SUPT3H: variants seen among roughly 807,000 people sequenced by gnomAD.
SUPT3H encodes the protein transcription initiation protein SPT3 homolog.
A neutral mutation model predicts 44.3 loss-of-function variants in SUPT3H; 44 were observed. The ratio of observed to expected loss-of-function variants is 0.99; its 90% CI spans 0.78 to 1.28. SUPT3H has a LOEUF of 1.28. Ranked by LOEUF, SUPT3H falls within the 50% of genes most tolerant of loss-of-function variation. The pLI is 0.00. For synonymous variants in SUPT3H, 124 were observed against 125.6 expected, an observed-to-expected ratio of 0.99 and a Z score of 0.09; for missense variants, 380 against 387.1, an observed-to-expected ratio of 0.98 and a Z score of 0.15.
At chr6:45,259,069 T>C (rs1773896735) in intron 2 of SUPT3H, among the ~76,000 whole-genome samples, 1 of 152,176 alleles carries the variant, frequency 6.6e-6, no homozygotes, top group African/African-American at 2.4e-5. Flanking sequence ...ACAAATTTTT[T>C]CGGTACTTTT....
rs553540921 is a variant in SUPT3H at position 44,827,510 on chromosome 6, T to C, written c.*2306A>G. ...ACTTTCCCTCTCTAGGCCATGGTTT[T>C]TTCATTTGCAAGATGAGCAGCTGTT... On this transcript the variant is annotated 3_prime_UTR_variant, in exon 11 of 11. Transcript: ENST00000371459. Among the ~76,000 whole-genome samples, 39 of 152,248 alleles carry C rather than the reference T, an allele frequency of 2.6e-4. No homozygotes were observed. The highest frequency in any genetic ancestry group is 5.3e-4 in the Non-Finnish European group (36 of 67,964).
chr6:45,009,116 T>C (rs1583027616), intron 5 of SUPT3H, among the ~76,000 whole-genome samples: 1 of 152,130 alleles, frequency 6.6e-6, no homozygotes, highest in African/African-American at 2.4e-5. Flanking sequence ...CATTTTTAAA[T>C]TGGGCCACTG....
chr6:45,105,053 A>G (rs1451602115), intron 3 of SUPT3H, among the ~76,000 whole-genome samples: 1 of 152,008 alleles, frequency 6.6e-6, no homozygotes, highest in African/African-American at 2.4e-5. Flanking sequence ...CCATACTAGG[A>G]TATACATATA....
chr6:44,989,762 C>T (rs182268600), intron 6 of SUPT3H, among the ~76,000 whole-genome samples: 2 of 152,130 alleles, frequency 1.3e-5, no homozygotes, highest in East Asian at 3.9e-4. Flanking sequence ...TACTGTTAAG[C>T]ATCTTTTCAT....
intron 5 of SUPT3H, among the ~76,000 whole-genome samples, chr6:45,012,065 T>C (rs1783564008): frequency 6.6e-6 from 1 of 151,836 alleles, no homozygotes; most frequent in Admixed American, 6.6e-5. Flanking sequence ...CTGTATATGC[T>C]TTTTTCTTGT....
intron 2 of SUPT3H, among the ~76,000 whole-genome samples, chr6:45,317,482 G>A (rs1001750712): frequency 6.6e-6 from 1 of 151,880 alleles, no homozygotes; most frequent in African/African-American, 2.4e-5. Context: ...GCATGGTACG[G>A]GCATAAAAGC....
chr6:44,928,622 G>C (rs1009565737), intron 10 of SUPT3H, among the ~76,000 whole-genome samples: 10 of 151,954 alleles, frequency 6.6e-5, no homozygotes, highest in African/African-American at 2.4e-4. Flanking sequence ...AGGGCCGGGC[G>C]CGGTGGCTCA....
chr6:45,326,192 GGTTT>G (rs1786310337), intron 2 of SUPT3H, among the ~76,000 whole-genome samples: 1 of 151,732 alleles, frequency 6.6e-6, no homozygotes, highest in Non-Finnish European at 1.5e-5. Context: ...CAAAATGTTG[GGTTT>G]GTAAGATGTT....
intron 10 of SUPT3H, among the ~76,000 whole-genome samples, chr6:44,887,197 T>C (rs1423204831): frequency 6.6e-6 from 1 of 152,078 alleles, no homozygotes; most frequent in Non-Finnish European, 1.5e-5. Flanking sequence ...CTGTCAACAT[T>C]AGACACATCA....
chr6:44,906,318 T>A (rs111682353), intron 10 of SUPT3H, among the ~76,000 whole-genome samples: 1 of 152,248 alleles, frequency 6.6e-6, no homozygotes, highest in African/African-American at 2.4e-5. Context: ...TATGAGTAAT[T>A]TTTCACCTCC....
At chr6:45,229,727 T>C (rs924743224) in intron 2 of SUPT3H, among the ~76,000 whole-genome samples, 9 of 152,150 alleles carry the variant, frequency 5.9e-5, no homozygotes, top group African/African-American at 2.2e-4. Flanking sequence ...ATTTATATAT[T>C]TTGGGGATGT....
chr6:45,360,120 A>G (rs1026416325), intron 2 of SUPT3H, among the ~76,000 whole-genome samples: 2 of 152,260 alleles, frequency 1.3e-5, no homozygotes, highest in Non-Finnish European at 2.9e-5. Flanking sequence ...TTAGTTTAGC[A>G]TAAGTGCAAC....
chr6:44,901,818 T>C (rs1167092350), intron 10 of SUPT3H, among the ~76,000 whole-genome samples: 1 of 151,892 alleles, frequency 6.6e-6, no homozygotes, highest in African/African-American at 2.4e-5. Context: ...GACTAACAGC[T>C]GATCTCTCAC....
At chr6:45,158,073 A>C (rs1808153190) in intron 2 of SUPT3H, among the ~76,000 whole-genome samples, 1 of 146,440 alleles carries the variant, frequency 6.8e-6, no homozygotes, top group Non-Finnish European at 1.5e-5. Context: ...AATTATTATA[A>C]TTTATAATTA....
At chr6:44,908,623 G>A (rs143140724) in intron 10 of SUPT3H, among the ~76,000 whole-genome samples, 2 of 152,026 alleles carry the variant, frequency 1.3e-5, no homozygotes, top group Non-Finnish European at 2.9e-5. Flanking sequence ...ATCTAGCTTC[G>A]TAAATTAGAC....
chr6:44,948,682 C>T (rs1049283987), intron 9 of SUPT3H, among the ~76,000 whole-genome samples: 4 of 152,060 alleles, frequency 2.6e-5, no homozygotes, highest in African/African-American at 4.8e-5. Context: ...AAATCAAAAC[C>T]ACAATGAGAT....
chr6:44,908,292 C>T (rs1019256444), intron 10 of SUPT3H, among the ~76,000 whole-genome samples: 5 of 151,760 alleles, frequency 3.3e-5, no homozygotes, highest in African/African-American at 1.2e-4. Flanking sequence ...GCTGGGACTA[C>T]AGGCGCCCAC....
At chr6:45,237,597 C>T (rs1344455950) in intron 2 of SUPT3H, among the ~76,000 whole-genome samples, 1 of 152,090 alleles carries the variant, frequency 6.6e-6, no homozygotes. Flanking sequence ...AAAGTTCCCG[C>T]CAAGGTTTAG....
rs892796977 is a variant in SUPT3H, at chr6:45,136,606, TA to T, written c.102-30601del. ...ATGGAATATCAACAGAGACATTATT[TA>T]AAAAAAAAAACAGAAATTCTGGAGT... On this transcript the variant is annotated intron_variant, in intron 2 of 10. Coordinates refer to ENST00000371459, the MANE Select transcript of SUPT3H (RefSeq NM_003599.4). Among the ~76,000 whole-genome samples, 351 of 145,450 alleles carry T rather than the reference TA, an allele frequency of 2.4e-3. 2 individuals are homozygous for T. The highest frequency in any genetic ancestry group is 7.1e-3 in the African/African-American group (282 of 39,826).
Sources: gnomAD v4.1 joint callset for allele counts (sites outside exome capture counted in the v4.1 genomes callset) on GRCh38, gnomAD v4.1.1 for gene constraint, MANE v1.5 for transcripts, NCBI Gene and HGNC (gene_info 2026-07-23, HGNC 2026-07-21) for gene names.